ANTXR1: variants seen among roughly 807,000 people sequenced by gnomAD.
ANTXR1 encodes anthrax toxin receptor 1.
ANTXR1 carries 19 observed loss-of-function variants against 78.1 expected under a neutral mutation model. The ratio of observed to expected loss-of-function variants is 0.24; its 90% CI spans 0.17 to 0.36. The LOEUF (loss-of-function observed/expected upper bound fraction) is 0.36. Ranked by LOEUF, ANTXR1 falls within the 10% of genes least tolerant of loss-of-function variation. The pLI, the probability that ANTXR1 is intolerant of heterozygous loss-of-function variation, is 1.00. For missense variants in ANTXR1, 518 were observed against 718.6 expected, an observed-to-expected ratio of 0.72 and a Z score of 3.19; for synonymous variants, 273 against 260.5, an observed-to-expected ratio of 1.05 and a Z score of -0.46.
In ANTXR1 at chr2:69,245,542, T is replaced by C; in HGVS notation, c.*57T>C. ...AAACTTCAGGAGATGTTAGAACAAG[T>C]CTTTCCAGTTAGAGAAGAGGAGTGG... On this transcript the variant is annotated 3_prime_UTR_variant, in exon 18 of 18. Transcript: ENST00000303714. The C allele has an allele frequency of 1.2e-6, 2 of 1,602,792 alleles. No homozygotes were observed.
intron 12 of ANTXR1, among the ~76,000 whole-genome samples, chr2:69,136,348 G>A (rs2104406742): frequency 6.6e-6 from 1 of 152,158 alleles, no homozygotes; most frequent in South Asian, 2.1e-4. Context: ...TCTTTTTTAA[G>A]TACACTTTCA....
At chr2:69,144,916 C>T (rs1673179425) in intron 12 of ANTXR1, among the ~76,000 whole-genome samples, 1 of 152,182 alleles carries the variant, frequency 6.6e-6, no homozygotes, top group South Asian at 2.1e-4. Context: ...GTTGTAGTTA[C>T]TCGGACCTAT....
rs935796390 is a variant in ANTXR1 at position 69,172,662 on chromosome 2, A to G, written c.1089+2373A>G. 4.7e-5 allele frequency: 29 copies of G among 615,562 alleles called. No homozygotes were observed. In the African/African-American group the frequency reaches 5.6e-4, roughly 12 times the overall value. The allele number at this position is 615,562 out of a possible 1,614,324, so 38.1% of individuals were successfully genotyped here. A position where few individuals can be genotyped will look rare whatever the true frequency, so the allele number is the denominator to read the frequency against. ...GAGAGGCATGTCTACTATTTAAATA[A>G]CTAAACTTAGAGAATGAAGATAACT... is the stretch of plus-strand genomic sequence containing the variant. On this transcript the variant is annotated intron_variant, in intron 14 of 17. Coordinates refer to ENST00000303714, the MANE Select transcript of ANTXR1 (RefSeq NM_032208.3).
At chr2:69,233,123 A>C (rs193218014) in intron 17 of ANTXR1, among the ~76,000 whole-genome samples, 262 of 152,296 alleles carry the variant, frequency 1.7e-3, no homozygotes, top group Non-Finnish European at 2.8e-3. Context: ...TAAAGGCATC[A>C]AAGAACTATA....
intron 17 of ANTXR1, among the ~76,000 whole-genome samples, chr2:69,206,626 C>G (rs1482126084): frequency 6.6e-6 from 1 of 152,162 alleles, no homozygotes; most frequent in East Asian, 1.9e-4. Context: ...GCTTTAGTGT[C>G]CCACCACATC....
chr2:69,122,098 A>G (rs188850047), intron 10 of ANTXR1, among the ~76,000 whole-genome samples: 12 of 152,330 alleles, frequency 7.9e-5, no homozygotes, highest in Non-Finnish European at 1.5e-4. Flanking sequence ...CAAATCCCTC[A>G]GGCTAACTCA....
chr2:69,031,356 T>C (rs62135612), intron 1 of ANTXR1, among the ~76,000 whole-genome samples: 2,246 of 152,288 alleles, frequency 0.015, 17 homozygotes, highest in Non-Finnish European at 0.022. Context: ...TTACCCTAGG[T>C]TCTGCAAATT....
intron 8 of ANTXR1, 106 bp downstream of exon 8, chr2:69,077,594 A>C: frequency 8.5e-7 from 1 of 1,182,228 alleles, no homozygotes; most frequent in Non-Finnish European, 1.3e-6. Flanking sequence ...TTTTCTGCTT[A>C]AGAGAACATC....
chr2:69,048,325 T>C (rs1286381185), intron 3 of ANTXR1, among the ~76,000 whole-genome samples: 1 of 152,230 alleles, frequency 6.6e-6, no homozygotes, highest in Non-Finnish European at 1.5e-5. Context: ...TTTTTAAATA[T>C]TGGATCATTC....
At chr2:69,122,907 T>A in intron 10 of ANTXR1, 110 bp from the exon 11 acceptor site, 1 of 1,167,588 alleles carries the variant, frequency 8.6e-7, no homozygotes, top group Non-Finnish European at 1.3e-6. Flanking sequence ...CAAAAAGATT[T>A]TTGTTTTTTT....
intron 9 of ANTXR1, among the ~76,000 whole-genome samples, chr2:69,098,110 A>T (rs1480601041): frequency 6.6e-6 from 1 of 152,172 alleles, no homozygotes; most frequent in Non-Finnish European, 1.5e-5. Flanking sequence ...GGGAGGAGAG[A>T]TTACAAAGCA....
intron 8 of ANTXR1, among the ~76,000 whole-genome samples, chr2:69,088,049 G>A (rs986851749): frequency 2.0e-5 from 3 of 152,172 alleles, no homozygotes; most frequent in African/African-American, 4.8e-5. Flanking sequence ...TGGGAAAGCT[G>A]TGTTTTTACT....
chr2:69,210,417 G>A (rs568908410), intron 17 of ANTXR1, among the ~76,000 whole-genome samples: 32 of 152,252 alleles, frequency 2.1e-4, no homozygotes, highest in Admixed American at 4.6e-4. Flanking sequence ...TTCCAAAATC[G>A]TGTCAGTGGG....
chr2:69,103,086 G>A (rs900067528), intron 10 of ANTXR1, 146 bp downstream of exon 10: 2 of 865,986 alleles, frequency 2.3e-6, no homozygotes, highest in Non-Finnish European at 3.8e-6. Context: ...AGGGCATAGT[G>A]AGCCCTTACA....
intron 17 of ANTXR1, among the ~76,000 whole-genome samples, chr2:69,236,817 CAG>C (rs1459793172): frequency 6.6e-6 from 1 of 152,162 alleles, no homozygotes; most frequent in Non-Finnish European, 1.5e-5. Context: ...TTGAAAATGA[CAG>C]GGGAGAAATG....
chr2:69,165,539 G>A (rs55943300), intron 13 of ANTXR1, among the ~76,000 whole-genome samples: 33,363 of 152,240 alleles, frequency 0.22, 5,474 homozygotes, highest in East Asian at 0.5. Context: ...GATGAGGAGG[G>A]GAGATGTGAA....
chr2:69,133,292 C>T (rs1187559979), intron 12 of ANTXR1, among the ~76,000 whole-genome samples: 2 of 152,210 alleles, frequency 1.3e-5, no homozygotes, highest in Non-Finnish European at 2.9e-5. Context: ...TCCAAACAAC[C>T]AGTTGCAGAG....
At chr2:69,027,962 G>C (rs1032633857) in intron 1 of ANTXR1, among the ~76,000 whole-genome samples, 1 of 152,016 alleles carries the variant, frequency 6.6e-6, no homozygotes, top group African/African-American at 2.4e-5. Flanking sequence ...AAAATTTAAA[G>C]TCACCAAAGA....
In ANTXR1 at chr2:69,245,862, C is replaced by G. The variant is rs1376835703; in HGVS notation, c.*377C>G. Reference sequence around the variant, plus strand: ...AATACATTGCTGGGTTTCTAAAATGCTGCCTTCCTGCCTCTACTCCACCTC... The same window carrying G: ...AATACATTGCTGGGTTTCTAAAATGGTGCCTTCCTGCCTCTACTCCACCTC... On this transcript the variant is annotated 3_prime_UTR_variant, in exon 18 of 18. Transcript: ENST00000303714. The G allele has an allele frequency of 4.8e-6, 1 of 209,092 alleles. No individual in the cohort carries two copies. Among genetic ancestry groups the G allele is most frequent in the Admixed American group, 5.3e-5 (1 of 18,770 alleles). The allele number at this position is 209,092 out of a possible 1,614,324, so 13.0% of individuals were successfully genotyped here. A position where few individuals can be genotyped will look rare whatever the true frequency, so the allele number is the denominator to read the frequency against.
Sources: allele counts gnomAD v4.1 joint callset (sites outside exome capture counted in the v4.1 genomes callset), GRCh38; gene constraint gnomAD v4.1.1; transcripts MANE v1.5; gene names NCBI Gene and HGNC (gene_info 2026-07-23, HGNC 2026-07-21).